SBSN: variants seen among roughly 807,000 people sequenced by gnomAD.
The protein encoded by SBSN is HLAR698.
A neutral mutation model predicts 42.8 loss-of-function variants in SBSN; 33 were observed. The ratio of observed to expected loss-of-function variants is 0.77; its 90% CI spans 0.58 to 1.03. The LOEUF is 1.03. Among genes scored for constraint, SBSN ranks in the 50% least tolerant of loss-of-function variants. The pLI is 0.00. For synonymous variants in SBSN, 276 were observed against 307.0 expected (o/e 0.90, Z 1.06); for missense variants, 646 against 757.3 (o/e 0.85, Z 1.72).
intron 1 of SBSN, among the ~76,000 whole-genome samples, chr19:35,525,701 G>T (rs1242845544): frequency 6.6e-6 from 1 of 151,552 alleles, no homozygotes; most frequent in Non-Finnish European, 1.5e-5. Flanking sequence ...TATTTTTTTT[G>T]AGACAGAGTC....
At position 35,527,953 on chromosome 19, in the gene SBSN, T is replaced by A. The variant is rs1568675788; in HGVS notation, c.329A>T (p.Lys110Met). 1.9e-6 allele frequency: 3 copies of A among 1,614,130 alleles called. 1 individual carries two copies. In the South Asian group the frequency reaches 3.3e-5, roughly 18 times the overall value. ...CCCATGGCCAAGCTTCTCTGCTTCC[T>A]TTCCTGCTTGTCCAATACCATGGTT... The part of the protein sequence containing the change: ...EINHGIGQAG[K>M]EAEKLGHGVN... Residue 110 changes from lysine (K) to methionine (M), a missense_variant, in exon 1 of 4, where the codon AAG becomes ATG. Coordinates refer to ENST00000452271, the MANE Select transcript of SBSN (RefSeq NM_001166034.2).
In SBSN at chr19:35,524,993, A is replaced by G. The variant is rs533216882; in HGVS notation, c.1639-69T>C. On this transcript the variant is annotated intron_variant, in intron 1 of 3. Coordinates refer to ENST00000452271, the MANE Select transcript of SBSN (RefSeq NM_001166034.2). Reference sequence around the variant, plus strand: ...GAGGGTCTCCCAGTTCCTTTTCCCCAGGGACCTGGTCCCCTCCAGGGTGAC... The same window carrying G: ...GAGGGTCTCCCAGTTCCTTTTCCCCGGGGACCTGGTCCCCTCCAGGGTGAC... 22 of 1,542,294 alleles carry G rather than the reference A, an allele frequency of 1.4e-5. No homozygotes were observed. The South Asian group carries it at 2.1e-4, about 15-fold the overall frequency.
chr19:35,523,772 G>A (rs2071338301), intron 3 of SBSN, among the ~76,000 whole-genome samples: 2 of 152,214 alleles, frequency 1.3e-5, no homozygotes, highest in African/African-American at 2.4e-5. Context: ...TGTTTAGCCT[G>A]AGAGGATGCT....
intron 3 of SBSN, 39 bp downstream of exon 3, chr19:35,524,672 A>G (rs546231415): frequency 6.2e-7 from 1 of 1,609,742 alleles, no homozygotes; most frequent in South Asian, 1.1e-5. Flanking sequence ...CGTATCTATC[A>G]GGACGCAGAG....
rs974835329 is a variant in SBSN at position 35,524,878 on chromosome 19, G to A, written c.1685C>T (p.Thr562Ile). 1.9e-6 allele frequency: 3 copies of A among 1,614,008 alleles called. No individual in the cohort carries two copies. The African/African-American group carries it at 4.0e-5, about 22-fold the overall frequency. ...GCTTACCCCAGAGGCTAACGGCGTG[G>A]TTGTGGCCCCTCCTTGATGGCTGGA... ...GSSSHQGGAT[T>I]TPLASGASVN... The change falls in exon 2 of 4, where the codon ACC becomes ATC. Residue 562 changes from threonine to isoleucine, a missense_variant. This residue lies in a region of SBSN where 236 missense variants were observed against 225.6 expected (regional missense o/e 1.05). Coordinates refer to ENST00000452271, the MANE Select transcript of SBSN (RefSeq NM_001166034.2).
rs377330010 is a variant in SBSN, at chr19:35,526,875, G to A, written c.1407C>T (p.Ala469=). The change falls in exon 1 of 4, where the codon GCC becomes GCT. Residue 469 remains alanine, a synonymous_variant. Transcript: ENST00000452271. ...GQGVHHTLEQ[A]GKEADKAVQG... ...GGACCGCTTTGTCTGCTTCCTTCCC[G>A]GCCTGTTCAAGGGTATGGTGAACTC... 45 of 1,613,184 alleles carry A rather than the reference G, an allele frequency of 2.8e-5. No individual in the cohort carries two copies. Among genetic ancestry groups the A allele is most frequent in the South Asian group, 1.1e-4 (10 of 91,020 alleles).
chr19:35,524,850 C>G lies in SBSN; in HGVS notation c.1704+9G>C. Reference sequence around the variant, plus strand: ...GCCTCCTCTCCCCTACCCCAGAGTCCGCGCTTACCCCAGAGGCTAACGGCG... The same window carrying G: ...GCCTCCTCTCCCCTACCCCAGAGTCGGCGCTTACCCCAGAGGCTAACGGCG... On this transcript the variant is annotated intron_variant, in intron 2 of 3. Coordinates refer to ENST00000452271, the MANE Select transcript of SBSN (RefSeq NM_001166034.2). 1 of 1,614,040 alleles carries G rather than the reference C, an allele frequency of 6.2e-7. No individual in the cohort carries two copies. Among genetic ancestry groups the G allele is most frequent in the Non-Finnish European group, 8.5e-7 (1 of 1,179,966 alleles).
intron 1 of SBSN, among the ~76,000 whole-genome samples, 169 bp from the exon 2 acceptor site, chr19:35,525,093 G>A (rs1329888108): frequency 6.6e-6 from 1 of 152,148 alleles, no homozygotes; most frequent in Non-Finnish European, 1.5e-5. Flanking sequence ...GCCCGTGCTC[G>A]CGTGGGCATT....
Position 35,527,493 on chromosome 19 carries a change from C to G in SBSN, c.789G>C (p.Gly263=). The part of the protein sequence containing the change: ...AGNEAGRFGQ[G]VHHGLSEGWK... Reference sequence around the variant, plus strand: ...AGCCCTCACTGAGACCATGGTGGACCCCCTGGCCAAATCTCCCTGCCTCAT... The same window carrying G: ...AGCCCTCACTGAGACCATGGTGGACGCCCTGGCCAAATCTCCCTGCCTCAT... Residue 263 remains glycine (G), a synonymous_variant, in exon 1 of 4, where the codon GGG becomes GGC. Coordinates refer to ENST00000452271, the MANE Select transcript of SBSN (RefSeq NM_001166034.2). The G allele has an allele frequency of 6.4e-7, 1 of 1,551,668 alleles. No individual in the cohort carries two copies. The highest frequency in any genetic ancestry group is 8.6e-7 in the Non-Finnish European group (1 of 1,157,896).
rs911579536 is a variant in SBSN at position 35,527,049 on chromosome 19, G to T, written c.1233C>A (p.Gly411=). The change falls in exon 1 of 4, where the codon GGC becomes GGA. Residue 411 remains glycine (G), a synonymous_variant. Transcript: ENST00000452271. ...EDRVVQGLHH[G]VSQAGREAGQ... is the part of the protein sequence containing the mutation. ...CCGCCTCCCTTCCAGCCTGACTAAC[G>T]CCATGATGGAGGCCTTGGACCACTC... The T allele has an allele frequency of 5.2e-6, 8 of 1,539,120 alleles. No homozygotes were observed. The Admixed American group carries it at 1.6e-4, about 30-fold the overall frequency.
Position 35,523,367 on chromosome 19 carries a change from T to A in SBSN, c.*143A>T. On this transcript the variant is annotated 3_prime_UTR_variant, in exon 4 of 4. Coordinates refer to ENST00000452271, the MANE Select transcript of SBSN (RefSeq NM_001166034.2). ...CCCAGGGGACCACAATGAGACAGCA[T>A]AGTGTATCAAGTTTATTCACAAATC... The A allele has an allele frequency of 7.3e-6, 6 of 817,378 alleles. No homozygotes were observed. Among genetic ancestry groups the A allele is most frequent in the South Asian group, 5.9e-5 (4 of 67,670 alleles). The allele number at this position is 817,378 out of a possible 1,614,324, so 50.6% of individuals were successfully genotyped here.
In SBSN at chr19:35,527,970, A is replaced by G. The variant is rs1432173768; in HGVS notation, c.312T>C (p.Gly104=). 3 of 1,613,752 alleles carry G rather than the reference A, an allele frequency of 1.9e-6. No individual in the cohort carries two copies. Among genetic ancestry groups the G allele is most frequent in the Non-Finnish European group, 2.5e-6 (3 of 1,180,018 alleles). Residue 104 remains glycine (G), a synonymous_variant, in exon 1 of 4, where the codon GGT becomes GGC. Coordinates refer to ENST00000452271, the MANE Select transcript of SBSN (RefSeq NM_001166034.2). ...MDKVAHEINH[G]IGQAGKEAEK... is the part of the protein sequence containing the mutation. ...CTGCTTCCTTTCCTGCTTGTCCAAT[A>G]CCATGGTTGATCTCATGGGCAACCT...
At chr19:35,524,481 G>A (rs1367743543) in intron 3 of SBSN, among the ~76,000 whole-genome samples, 1 of 152,000 alleles carries the variant, frequency 6.6e-6, no homozygotes, top group Non-Finnish European at 1.5e-5. Flanking sequence ...CTGCCAGCTT[G>A]TGTTTGCCTT....
rs772776789 is a variant in SBSN at position 35,524,742 on chromosome 19, G to C, written c.1718C>G (p.Thr573Arg). Residue 573 changes from threonine (T) to arginine (R), a missense_variant, in exon 3 of 4, where the codon ACG (threonine) becomes AGG (arginine). Thr to Arg is a moderately conservative substitution (Grantham distance 71, BLOSUM62 -1). Around this residue, in one of 3 missense-constraint regions of SBSN, gnomAD observed 236 missense variants for 225.6 expected, o/e 1.05. Coordinates refer to ENST00000452271, the MANE Select transcript of SBSN (RefSeq NM_001166034.2). ...CAGGGCGGGAAGGTTGATGAAAGGC[G>C]TGTTGACCGAGGCCTGCAATTCAAG... The part of the protein sequence containing the change: ...TPLASGASVN[T>R]PFINLPALWR... 3.2e-5 allele frequency: 51 copies of C among 1,613,890 alleles called. No individual in the cohort carries two copies. Among genetic ancestry groups the C allele is most frequent in the Non-Finnish European group, 4.2e-5 (49 of 1,179,984 alleles).
intron 1 of SBSN, 21 bp downstream of exon 1, chr19:35,526,623 T>TCCCCCCCCC: frequency 3.2e-6 from 1 of 315,824 alleles, no homozygotes; most frequent in Non-Finnish European, 5.7e-6. Flanking sequence ...GTCCCCCATC[T>TCCCCCCCCC]CCCCATCCCT....
At chr19:35,524,061 T>C (rs1600118324) in intron 3 of SBSN, among the ~76,000 whole-genome samples, 1 of 152,172 alleles carries the variant, frequency 6.6e-6, no homozygotes. Context: ...ACACCTGTAA[T>C]CCCAGCCACT....
chr19:35,527,629 C>T lies in SBSN; in HGVS notation c.653G>A (p.Trp218Ter). 6.5e-7 allele frequency: 1 copy of T among 1,532,268 alleles called. No individual in the cohort carries two copies. The highest frequency in any genetic ancestry group is 2.5e-5 in the East Asian group (1 of 39,942). The allele number at this position is 1,532,268 out of a possible 1,614,324, so 94.9% of individuals were successfully genotyped here. A position where few individuals can be genotyped will look rare whatever the true frequency, so the allele number is the denominator to read the frequency against. ...CTGGCCAAACTTCTCTGTCTCCTTC[C>T]AGCCCTCACTGAGACCATGGTGGGC... ...QGAHHGLSEGWKETEKFGQGI... is the reference protein window; with the variant it reads ...QGAHHGLSEG The change falls in exon 1 of 4, where the codon TGG (tryptophan) becomes TAG (stop). Residue 218 changes from tryptophan to a stop codon, truncating the protein, a stop_gained. Coordinates refer to ENST00000452271, the MANE Select transcript of SBSN (RefSeq NM_001166034.2). LOFTEE classifies it high-confidence loss of function.
At position 35,524,730 on chromosome 19, in the gene SBSN, T is replaced by G; in HGVS notation, c.1730A>C (p.Asn577Thr). 1.2e-6 allele frequency: 2 copies of G among 1,613,784 alleles called. No individual in the cohort carries two copies. The highest frequency in any genetic ancestry group is 1.7e-6 in the Non-Finnish European group (2 of 1,179,948). Residue 577 changes from asparagine (N) to threonine (T), a missense_variant, in exon 3 of 4, where the codon AAC (asparagine) becomes ACC (threonine). Asn to Thr is a moderately conservative substitution (Grantham distance 65, BLOSUM62 0). This residue lies in a region of SBSN where 236 missense variants were observed against 225.6 expected (regional missense o/e 1.05). Transcript: ENST00000452271. ...SGASVNTPFI[N>T]LPALWRSVAN... ...ACTCACCCTCCACAGGGCGGGAAGG[T>G]TGATGAAAGGCGTGTTGACCGAGGC...
intron 3 of SBSN, 62 bp downstream of exon 3, chr19:35,524,649 G>A: frequency 1.3e-6 from 2 of 1,575,624 alleles, no homozygotes; most frequent in Non-Finnish European, 8.7e-7. Flanking sequence ...CACCGGGAAG[G>A]GGTCGGGGTG....
Sources: gnomAD v4.1 joint callset for allele counts (sites outside exome capture counted in the v4.1 genomes callset) on GRCh38, gnomAD v4.1.1 for gene constraint, gnomAD v4.1.1 regional missense constraint, MANE v1.5 for transcripts, NCBI Gene and HGNC (gene_info 2026-07-23, HGNC 2026-07-21) for gene names.